The following JSRP1 variants were observed in gnomAD, a reference collection of about 807,000 sequenced individuals.
JSRP1 encodes junctional sarcoplasmic reticulum protein 1, also known as 2310032K21Rik.
Under a neutral mutation model 21.4 loss-of-function variants are expected in JSRP1, and 29 were observed. The ratio of observed to expected loss-of-function variants is 1.36; its 90% CI spans 1.01 to 1.85. JSRP1 has a LOEUF of 1.85. JSRP1 is among the 40% of genes most tolerant of loss of function. The pLI is 0.00. For synonymous variants in JSRP1, 221 were observed against 206.1 expected, an observed-to-expected ratio of 1.07 and a Z score of -0.62; for missense variants, 531 against 461.5, an observed-to-expected ratio of 1.15 and a Z score of -1.38.
chr19:2,255,654 C>G (rs1024929870), intron 1 of JSRP1, among the ~76,000 whole-genome samples: 1 of 152,210 alleles, frequency 6.6e-6, no homozygotes, highest in African/African-American at 2.4e-5. Flanking sequence ...GCAATGAGTC[C>G]CAGACGCACC....
chr19:2,254,215 C>T lies in JSRP1; in HGVS notation c.234G>A (p.Thr78=), dbSNP rs760088902. 3 of 1,606,496 alleles carry T rather than the reference C, an allele frequency of 1.9e-6. No homozygotes were observed. Among genetic ancestry groups the T allele is most frequent in the Admixed American group, 1.7e-5 (1 of 58,878 alleles). ...CTCCGGCTTTCAGCCTCTCCTTCCC[C>T]GTTCCTGGGGTCCCCCTGGCGGCAG... ...KEPAARGTPG[T]GKERLKAGAS... is the part of the protein sequence containing the mutation. Residue 78 remains threonine, a synonymous_variant, in exon 4 of 7, where the codon ACG becomes ACA. Coordinates refer to ENST00000300961, the MANE Select transcript of JSRP1 (RefSeq NM_144616.4).
Position 2,255,353 on chromosome 19 carries a change from G to T in JSRP1, c.-30-9C>A. 7.2e-7 allele frequency: 1 copy of T among 1,398,178 alleles called. No individual in the cohort carries two copies. The highest frequency in any genetic ancestry group is 1.0e-6 in the Non-Finnish European group (1 of 1,000,764). The allele number at this position is 1,398,178 out of a possible 1,614,324, so 86.6% of individuals were successfully genotyped here. ...GCAGGTCCCAGGCCAGGCTGGGAGG[G>T]GTGGGGAACAAGGTCTTGCATTTAC... On this transcript the variant is annotated splice_polypyrimidine_tract_variant and intron_variant, in intron 1 of 6. Transcript: ENST00000300961.
intron 3 of JSRP1, 63 bp from the exon 4 acceptor site, chr19:2,254,364 T>C: frequency 3.1e-6 from 5 of 1,604,708 alleles, no homozygotes; most frequent in South Asian, 1.1e-5. Context: ...CCGTGGGCTT[T>C]AGACACCTGC....
At chr19:2,253,511 G>A (rs2025095640) in intron 5 of JSRP1, 109 bp downstream of exon 5, 2 of 1,128,768 alleles carry the variant, frequency 1.8e-6, no homozygotes, top group East Asian at 6.3e-5. Context: ...ACCCAGCCCT[G>A]GAGAGGAGGC....
Position 2,254,170 on chromosome 19 carries a change from G to T in JSRP1, c.262+17C>A. On this transcript the variant is annotated intron_variant, in intron 4 of 6. Transcript: ENST00000300961. ...CGTTCCCACCCCACACCTCACCCAT[G>T]CCTCCTGCAAACCCACTCGCTCCGG... 6.3e-7 allele frequency: 1 copy of T among 1,576,450 alleles called. No homozygotes were observed.
chr19:2,252,506 G>A lies in JSRP1; in HGVS notation c.819C>T (p.Pro273=), dbSNP rs1352758237. Residue 273 remains proline (P), a synonymous_variant, in exon 7 of 7, where the codon CCC becomes CCT. Transcript: ENST00000300961. ...KEERPRAARE[P]REALPQRWES... ...CCCAGCGCTGGGGTAGGGCTTCCCGGGGCTCCCTGGCGGCCCGTGGCCTCT... is the reference window on the plus strand; with the variant it reads ...CCCAGCGCTGGGGTAGGGCTTCCCGAGGCTCCCTGGCGGCCCGTGGCCTCT... The A allele has an allele frequency of 5.0e-6, 8 of 1,612,290 alleles. No homozygotes were observed. The South Asian group carries it at 6.6e-5, about 13-fold the overall frequency.
intron 1 of JSRP1, among the ~76,000 whole-genome samples, chr19:2,255,933 G>A (rs2025140074): frequency 6.6e-6 from 1 of 152,166 alleles, no homozygotes; most frequent in South Asian, 2.1e-4. Flanking sequence ...AGGGGAGGAG[G>A]GTCCCGGTTG....
In JSRP1 at chr19:2,254,302, C is replaced by T. The variant is rs112403524; in HGVS notation, c.148-1G>A. The T allele has an allele frequency of 6.3e-7, 1 of 1,597,384 alleles. No homozygotes were observed. The highest frequency in any genetic ancestry group is 8.6e-7 in the Non-Finnish European group (1 of 1,168,498). ...TGGGGCCTTCAGCCACCTGAGAGTC[C>T]TGTGGTTATCACGAGACATTCCACA... On this transcript the variant is annotated splice_acceptor_variant, in intron 3 of 6. Coordinates refer to ENST00000300961, the MANE Select transcript of JSRP1 (RefSeq NM_144616.4). LOFTEE classifies it high-confidence loss of function.
At chr19:2,255,912 C>G (rs2145040834) in intron 1 of JSRP1, among the ~76,000 whole-genome samples, 1 of 152,294 alleles carries the variant, frequency 6.6e-6, no homozygotes, top group Non-Finnish European at 1.5e-5. Context: ...CTGGTCGTGA[C>G]AGGCCGGGGC....
intron 1 of JSRP1, among the ~76,000 whole-genome samples, chr19:2,255,935 T>A (rs1317648609): frequency 2.0e-5 from 3 of 151,576 alleles, no homozygotes; most frequent in Admixed American, 1.3e-4. Flanking sequence ...GGGAGGAGGG[T>A]CCCGGTTGTG....
chr19:2,254,524 G>A, intron 2 of JSRP1, 42 bp from the exon 3 acceptor site: 2 of 1,610,006 alleles, frequency 1.2e-6, no homozygotes, highest in Non-Finnish European at 1.7e-6. Context: ...GGGACCCCCA[G>A]GCCAATCCCA....
chr19:2,253,980 G>A (rs943467029), intron 4 of JSRP1, among the ~76,000 whole-genome samples, 187 bp from the exon 5 acceptor site: 1 of 152,236 alleles, frequency 6.6e-6, no homozygotes, highest in Non-Finnish European at 1.5e-5. Context: ...AGAGTTTCTG[G>A]AAGGTAACTT....
intron 5 of JSRP1, 142 bp from the exon 6 acceptor site, chr19:2,253,145 G>C: frequency 1.6e-6 from 1 of 608,094 alleles, no homozygotes. Context: ...GGATGCCCCC[G>C]AGCCGTGGGA....
rs753028408 is a variant in JSRP1, at chr19:2,252,460, G to C, written c.865C>G (p.Arg289Gly). ...QRWESREGGH[R>G]PWARDSRDAE... is the part of the protein sequence containing the mutation. Reference sequence around the variant, plus strand: ...TCCCTGGAGTCCCGTGCCCACGGCCGGTGGCCCCCTTCGCGTGACTCCCAG... The same window carrying C: ...TCCCTGGAGTCCCGTGCCCACGGCCCGTGGCCCCCTTCGCGTGACTCCCAG... The change falls in exon 7 of 7, where the codon CGG (arginine) becomes GGG (glycine). Residue 289 changes from arginine (R) to glycine (G), a missense_variant. Arg to Gly is a moderately radical substitution (Grantham distance 125). Coordinates refer to ENST00000300961, the MANE Select transcript of JSRP1 (RefSeq NM_144616.4). 10 of 1,611,510 alleles carry C rather than the reference G, an allele frequency of 6.2e-6. No homozygotes were observed. The highest frequency in any genetic ancestry group is 8.5e-6 in the Non-Finnish European group (10 of 1,179,682).
At position 2,252,816 on chromosome 19, in the gene JSRP1, C is replaced by A. The variant is rs1030223965; in HGVS notation, c.529-20G>T. 1.2e-6 allele frequency: 2 copies of A among 1,603,602 alleles called. No individual in the cohort carries two copies. Among genetic ancestry groups the A allele is most frequent in the African/African-American group, 2.7e-5 (2 of 74,386 alleles). ...CTTAGGCTGCAAGACAGAGTGGGGT[C>A]CTGGGGTAAGCGCCCACCTTCCCCC... On this transcript the variant is annotated intron_variant, in intron 6 of 6. Transcript: ENST00000300961.
chr19:2,256,028 G>A (rs1229938820), intron 1 of JSRP1, among the ~76,000 whole-genome samples: 1 of 152,222 alleles, frequency 6.6e-6, no homozygotes, highest in Admixed American at 6.5e-5. Flanking sequence ...AGGAAACCGA[G>A]GCTAGAGACA....
chr19:2,252,913 A>G lies in JSRP1; in HGVS notation c.527T>C (p.Leu176Pro), dbSNP rs1369592214. 4.3e-6 allele frequency: 7 copies of G among 1,609,356 alleles called. No homozygotes were observed. Among genetic ancestry groups the G allele is most frequent in the South Asian group, 2.2e-5 (2 of 90,652 alleles). The change falls in exon 6 of 7, where the codon CTG becomes CCG. Residue 176 changes from leucine to proline, a missense_variant and splice_region_variant. Physicochemically the swap from Leu to Pro is moderately conservative, Grantham distance 98 (BLOSUM62 -3). Transcript: ENST00000300961. ...SSAPREPSSP[L>P]PKFEAQAPPS... is the part of the protein sequence containing the mutation. The stretch of plus-strand genomic sequence containing the variant: ...CGGTCAGTGGAAGGAAGCTCTTACC[A>G]GGGGCGACGATGGCTCCCTCGGGGC...
chr19:2,252,691 C>A lies in JSRP1; in HGVS notation c.634G>T (p.Glu212Ter), dbSNP rs768627240. 6.2e-7 allele frequency: 1 copy of A among 1,612,158 alleles called. No homozygotes were observed. The highest frequency in any genetic ancestry group is 1.3e-5 in the African/African-American group (1 of 74,912). Residue 212 changes from glutamate to a stop codon, truncating the protein, a stop_gained, in exon 7 of 7, where the codon GAA becomes TAA. Transcript: ENST00000300961. LOFTEE classifies it low-confidence loss of function (END_TRUNC). ...PGSREAAENDEEEPGEATGEA... is the reference protein window; with the variant it reads ...PGSREAAEND ...CCGGTGGCCTCGCCGGGCTCCTCTT[C>A]GTCGTTCTCTGCAGCCTCCCGACTC...
Position 2,252,355 on chromosome 19 carries a change from G to A in JSRP1, c.970C>T (p.Leu324Phe). 6.5e-7 allele frequency: 1 copy of A among 1,544,172 alleles called. No homozygotes were observed. The highest frequency in any genetic ancestry group is 8.7e-7 in the Non-Finnish European group (1 of 1,149,166). Residue 324 changes from leucine (L) to phenylalanine (F), a missense_variant, in exon 7 of 7, where the codon CTC (leucine) becomes TTC (phenylalanine). Coordinates refer to ENST00000300961, the MANE Select transcript of JSRP1 (RefSeq NM_144616.4). ...CAGTCCCGCCCCTTGCCTGCGCGGA[G>A]CTTCTGGCGACTCCCAGGCCGCTGC... ...EEQRPGSRQK[L>F]RAGKGRD
Sources: gnomAD v4.1 joint callset for allele counts (sites outside exome capture counted in the v4.1 genomes callset) on GRCh38, gnomAD v4.1.1 for gene constraint, MANE v1.5 for transcripts, NCBI Gene and HGNC (gene_info 2026-07-23, HGNC 2026-07-21) for gene names.